GAP43: variants seen among roughly 807,000 people sequenced by gnomAD.
GAP43 encodes the protein growth associated protein 43.
In GAP43, 6 loss-of-function variants were observed where a neutral mutation model predicts 18.6. That is an observed-to-expected ratio of 0.32 (90% CI 0.18 to 0.64). The LOEUF (loss-of-function observed/expected upper bound fraction) is 0.64, where lower values mean the gene tolerates loss of function less well. GAP43 is among the 30% of genes least tolerant of loss of function. The pLI, the probability that GAP43 is intolerant of heterozygous loss-of-function variation, is 0.78. For synonymous variants in GAP43, 115 were observed against 111.4 expected, an observed-to-expected ratio of 1.03 and a Z score of -0.20; for missense variants, 292 against 295.5, an observed-to-expected ratio of 0.99 and a Z score of 0.09.
At chr3:115,640,433 AATTCATTTGCT>A (rs1487549961) in intron 1 of GAP43, among the ~76,000 whole-genome samples, 2 of 151,992 alleles carry the variant, frequency 1.3e-5, no homozygotes, top group Non-Finnish European at 2.9e-5. Context: ...TCTAGAAGAT[AATTCATTTGCT>A]ATTCCACTTA....
intron 1 of GAP43, among the ~76,000 whole-genome samples, chr3:115,637,847 G>C (rs1288355229): frequency 6.6e-6 from 1 of 152,004 alleles, no homozygotes; most frequent in East Asian, 1.9e-4. Context: ...ATGTAATTCA[G>C]AAACAGAACC....
At chr3:115,659,985 C>T (rs1355012827) in intron 1 of GAP43, among the ~76,000 whole-genome samples, 1 of 152,158 alleles carries the variant, frequency 6.6e-6, no homozygotes, top group Non-Finnish European at 1.5e-5. Context: ...TGAAGGGAGA[C>T]ATTTCTTTAG....
intron 1 of GAP43, among the ~76,000 whole-genome samples, chr3:115,638,206 C>T (rs1400890970): frequency 6.6e-6 from 1 of 151,964 alleles, no homozygotes; most frequent in Admixed American, 6.6e-5. Context: ...GTGTATCTCC[C>T]CTATTTAAAA....
intron 1 of GAP43, chr3:115,658,633 C>G (rs1708617431): frequency 6.6e-6 from 1 of 152,232 alleles, no homozygotes; most frequent in Non-Finnish European, 1.5e-5. Context: ...GGAGAGCCCC[C>G]CAGAGGCAGC....
intron 1 of GAP43, among the ~76,000 whole-genome samples, chr3:115,646,674 C>T (rs1424743100): frequency 6.6e-6 from 1 of 151,970 alleles, no homozygotes; most frequent in African/African-American, 2.4e-5. Context: ...TATAAACCCT[C>T]AGAAATATTT....
intron 1 of GAP43, among the ~76,000 whole-genome samples, chr3:115,672,790 C>T (rs898689196): frequency 9.3e-6 from 1 of 107,766 alleles, no homozygotes; most frequent in Admixed American, 1.2e-4. Flanking sequence ...TTTCATTTCC[C>T]TGCGTCTGTT....
chr3:115,657,006 T>C (rs912396683), intron 1 of GAP43, among the ~76,000 whole-genome samples: 1 of 152,328 alleles, frequency 6.6e-6, no homozygotes, highest in African/African-American at 2.4e-5. Context: ...TCTACAAGTA[T>C]TATGGTAGCC....
At chr3:115,673,115 A>G (rs1708835985) in intron 1 of GAP43, among the ~76,000 whole-genome samples, 1 of 152,018 alleles carries the variant, frequency 6.6e-6, no homozygotes, top group Non-Finnish European at 1.5e-5. Flanking sequence ...CAATCTTGGC[A>G]CCCTAGTCTA....
At chr3:115,705,926 A>G (rs1709357726) in intron 2 of GAP43, among the ~76,000 whole-genome samples, 1 of 152,180 alleles carries the variant, frequency 6.6e-6, no homozygotes, top group Admixed American at 6.6e-5. Context: ...TCATGTTTGA[A>G]CAAGATTCCA....
intron 1 of GAP43, among the ~76,000 whole-genome samples, chr3:115,670,711 A>T (rs945429949): frequency 5.9e-5 from 9 of 152,228 alleles, no homozygotes; most frequent in African/African-American, 2.2e-4. Flanking sequence ...AAAGTGGGCC[A>T]TAAGTAGGTA....
chr3:115,666,556 C>A (rs1708736610), intron 1 of GAP43, among the ~76,000 whole-genome samples: 1 of 152,084 alleles, frequency 6.6e-6, no homozygotes, highest in African/African-American at 2.4e-5. Flanking sequence ...TGAGTATGTA[C>A]AAAGTGTCAG....
chr3:115,693,301 G>T (rs1040097794), intron 2 of GAP43, among the ~76,000 whole-genome samples: 2 of 152,110 alleles, frequency 1.3e-5, no homozygotes, highest in African/African-American at 4.8e-5. Flanking sequence ...TAAGAAGGTT[G>T]TCAGCTAATT....
intron 2 of GAP43, among the ~76,000 whole-genome samples, chr3:115,685,866 C>T (rs283370): frequency 0.074 from 11,237 of 152,206 alleles, 658 homozygotes; most frequent in African/African-American, 0.17. Flanking sequence ...ATAATAGATT[C>T]ATAAGAGAAC....
chr3:115,623,923 G>A (rs1005071269), intron 1 of GAP43, among the ~76,000 whole-genome samples: 4 of 152,054 alleles, frequency 2.6e-5, no homozygotes, highest in African/African-American at 9.7e-5. Flanking sequence ...CTACTAATTA[G>A]GGTGAGGGTA....
intron 2 of GAP43, among the ~76,000 whole-genome samples, chr3:115,714,211 C>T (rs566247579): frequency 6.6e-6 from 1 of 152,182 alleles, no homozygotes; most frequent in South Asian, 2.1e-4. Context: ...TCTTTCTTCC[C>T]TTTTGAAGGA....
chr3:115,655,627 G>A (rs930359289), intron 1 of GAP43, among the ~76,000 whole-genome samples: 3 of 152,074 alleles, frequency 2.0e-5, no homozygotes, highest in Non-Finnish European at 1.5e-5. Flanking sequence ...CTCCTGAACT[G>A]GGGCTATCAG....
At chr3:115,663,637 C>T in intron 1 of GAP43, 1 of 1,395,148 alleles carries the variant, frequency 7.2e-7, no homozygotes, top group Non-Finnish European at 9.3e-7. Flanking sequence ...GAGGTCATAA[C>T]ACCTCAGCCC....
At chr3:115,628,967 C>T (rs1414942605) in intron 1 of GAP43, among the ~76,000 whole-genome samples, 1 of 152,198 alleles carries the variant, frequency 6.6e-6, no homozygotes, top group Non-Finnish European at 1.5e-5. Flanking sequence ...AACTCAGTGT[C>T]TTCTGTTGTG....
chr3:115,627,138 T>C (rs1290046477), intron 1 of GAP43, among the ~76,000 whole-genome samples: 1 of 149,278 alleles, frequency 6.7e-6, no homozygotes, highest in African/African-American at 2.5e-5. Flanking sequence ...TCTTTCTTTT[T>C]TTTTTTTTTT....
Sources: allele counts gnomAD v4.1 joint callset (sites outside exome capture counted in the v4.1 genomes callset), GRCh38; gene constraint gnomAD v4.1.1; transcripts MANE v1.5; gene names NCBI Gene and HGNC (gene_info 2026-07-23, HGNC 2026-07-21).